The following SMCO2 variants were observed in gnomAD, a reference collection of about 807,000 sequenced individuals.
SMCO2 encodes single-pass membrane protein with coiled-coil domains 2.
Under a neutral mutation model 29.5 loss-of-function variants are expected in SMCO2, and 25 were observed. The ratio of observed to expected loss-of-function variants is 0.85; its 90% CI spans 0.62 to 1.18. The LOEUF (loss-of-function observed/expected upper bound fraction) is 1.18. SMCO2 is among the 50% of genes most tolerant of loss of function. The pLI, the probability that SMCO2 is intolerant of heterozygous loss-of-function variation, is 0.00. For missense variants in SMCO2, 348 were observed against 344.5 expected, an observed-to-expected ratio of 1.01 and a Z score of -0.08; for synonymous variants, 117 against 123.3, an observed-to-expected ratio of 0.95 and a Z score of 0.34.
At chr12:27,440,472 T>C in the SMCO2 span, among the ~76,000 whole-genome samples, 2 of 152,226 alleles carry the variant, frequency 1.3e-5, no homozygotes, top group Non-Finnish European at 2.9e-5. Context: ...ATGACTGTAC[T>C]TGTGGTGTGC....
At position 27,494,371 on chromosome 12, in the gene SMCO2, A is replaced by G. The variant is rs763952510; in HGVS notation, c.507+15A>G. On this transcript the variant is annotated intron_variant, in intron 6 of 7. Transcript: ENST00000298876. Reference sequence around the variant, plus strand: ...AAAGGCTGGAGGTAAGATTTCAGTTACACAATTCAAACAATGATAAAATCA... The same window carrying G: ...AAAGGCTGGAGGTAAGATTTCAGTTGCACAATTCAAACAATGATAAAATCA... 6.6e-7 allele frequency: 1 copy of G among 1,504,776 alleles called. No homozygotes were observed. The highest frequency in any genetic ancestry group is 8.9e-7 in the Non-Finnish European group (1 of 1,122,182). 93.2% of individuals were successfully genotyped at this position (1,504,776 alleles called of 1,614,324 possible).
At chr12:27,470,821 C>T (rs546151440) in intron 2 of SMCO2, 56 bp downstream of exon 2, 60 of 1,531,002 alleles carry the variant, frequency 3.9e-5, no homozygotes, top group Admixed American at 5.9e-5. Flanking sequence ...TGCAGACGTT[C>T]TTGGGCCAGC....
the SMCO2 span, among the ~76,000 whole-genome samples, chr12:27,436,446 G>A: frequency 6.6e-6 from 1 of 152,156 alleles, no homozygotes; most frequent in Non-Finnish European, 1.5e-5. Flanking sequence ...CCAGAATGCA[G>A]CCAGGAACAA....
At chr12:27,476,861 G>A (rs1042909237) in intron 4 of SMCO2, among the ~76,000 whole-genome samples, 5 of 151,804 alleles carry the variant, frequency 3.3e-5, no homozygotes, top group Non-Finnish European at 5.9e-5. Context: ...GGTTATTATT[G>A]ATAAGTAAGG....
intron 4 of SMCO2, among the ~76,000 whole-genome samples, chr12:27,485,141 TC>T (rs1283545601): frequency 2.6e-5 from 4 of 151,290 alleles, no homozygotes; most frequent in Non-Finnish European, 5.9e-5. Context: ...TTTTTTTTTC[TC>T]TCTTTTCTTT....
upstream of SMCO2, among the ~76,000 whole-genome samples, chr12:27,463,493 C>A (rs539108575): frequency 1.3e-4 from 20 of 152,256 alleles, 2 homozygotes; most frequent in South Asian, 4.2e-3. Flanking sequence ...TCTCAAACTC[C>A]TGACCTCAAG....
chr12:27,461,289 T>C, the SMCO2 span, among the ~76,000 whole-genome samples: 2 of 152,234 alleles, frequency 1.3e-5, no homozygotes, highest in African/African-American at 4.8e-5. Flanking sequence ...GGAGTACATG[T>C]GCAGGTTTGT....
At chr12:27,439,618 A>G in the SMCO2 span, among the ~76,000 whole-genome samples, 1 of 152,160 alleles carries the variant, frequency 6.6e-6, no homozygotes, top group South Asian at 2.1e-4. Flanking sequence ...CAATTCAGAA[A>G]TTTATCAGGG....
At chr12:27,461,955 A>T (rs188563462), upstream of SMCO2, among the ~76,000 whole-genome samples, 1 of 152,362 alleles carries the variant, frequency 6.6e-6, no homozygotes, top group Admixed American at 6.5e-5. Flanking sequence ...TACATAAACC[A>T]TTATTTGCAG....
At chr12:27,486,843 A>G (rs978545707) in intron 4 of SMCO2, among the ~76,000 whole-genome samples, 5 of 152,198 alleles carry the variant, frequency 3.3e-5, no homozygotes, top group African/African-American at 1.2e-4. Context: ...AACTAGTCAC[A>G]TTATTCTTCT....
chr12:27,498,729 A>G lies in SMCO2; in HGVS notation c.683+2874A>G. ...AAAAAATAACTCTTACAACTCAACA[A>G]CAAAAAGATAAACAACCCAGTTTGA... On this transcript the variant is annotated intron_variant, in intron 7 of 7. Transcript: ENST00000298876. 2 of 150,770 alleles carry G rather than the reference A, an allele frequency of 1.3e-5. 1 individual carries two copies. Among genetic ancestry groups the G allele is most frequent in the Non-Finnish European group, 2.9e-5 (2 of 67,938 alleles). The allele number at this position is 150,770 out of a possible 1,614,324, so 9.3% of individuals were successfully genotyped here.
chr12:27,448,879 C>T, the SMCO2 span, among the ~76,000 whole-genome samples: 1 of 143,574 alleles, frequency 7.0e-6, no homozygotes, highest in African/African-American at 2.5e-5. Context: ...ACATAGTCTA[C>T]CAGTTGACCA....
chr12:27,474,503 T>C (rs1222657549), intron 3 of SMCO2, among the ~76,000 whole-genome samples: 1 of 152,130 alleles, frequency 6.6e-6, no homozygotes, highest in Non-Finnish European at 1.5e-5. Context: ...CTAATTTGAG[T>C]GGAGTTTTGG....
the SMCO2 span, among the ~76,000 whole-genome samples, chr12:27,461,387 T>G: frequency 6.6e-6 from 1 of 152,170 alleles, no homozygotes; most frequent in African/African-American, 2.4e-5. Flanking sequence ...AGGTAGTTTT[T>G]CAATCCTCCT....
intron 5 of SMCO2, among the ~76,000 whole-genome samples, chr12:27,491,948 G>A (rs996885482): frequency 1.3e-5 from 2 of 151,974 alleles, no homozygotes; most frequent in Non-Finnish European, 2.9e-5. Context: ...GACCTCAAGC[G>A]ATTCTCCCAC....
chr12:27,480,056 A>G (rs1015351043), intron 4 of SMCO2, among the ~76,000 whole-genome samples: 1 of 152,210 alleles, frequency 6.6e-6, no homozygotes. Context: ...TGCAGGCCCA[A>G]GAGCCCCTGG....
chr12:27,488,784 T>A (rs538608), intron 5 of SMCO2, among the ~76,000 whole-genome samples: 18,648 of 152,140 alleles, frequency 0.12, 2,205 homozygotes, highest in African/African-American at 0.29. Flanking sequence ...CTCTATCTTG[T>A]TGCCACCTTA....
At chr12:27,437,654 G>A in the SMCO2 span, among the ~76,000 whole-genome samples, 1 of 152,184 alleles carries the variant, frequency 6.6e-6, no homozygotes, top group African/African-American at 2.4e-5. Context: ...AGTTCACAAA[G>A]GGAAGGGGGT....
At chr12:27,499,957 A>ATAATGTGGAGATAT (rs1943057434) in intron 7 of SMCO2, among the ~76,000 whole-genome samples, 1 of 150,516 alleles carries the variant, frequency 6.6e-6, no homozygotes, top group Admixed American at 6.6e-5. Context: ...ACCATAAATA[A>ATAATGTGGAGATAT]TGTGGAGATA....
Sources: gnomAD v4.1 joint callset for allele counts (sites outside exome capture counted in the v4.1 genomes callset) on GRCh38, gnomAD v4.1.1 for gene constraint, MANE v1.5 for transcripts, NCBI Gene and HGNC (gene_info 2026-07-23, HGNC 2026-07-21) for gene names.